Variants in EIF2B5 observed in about 807,000 individuals in gnomAD.
EIF2B5 encodes translation initiation factor eIF2B subunit epsilon.
Under a neutral mutation model 87.3 loss-of-function variants are expected in EIF2B5, and 38 were observed. The ratio of observed to expected loss-of-function variants is 0.44; its 90% confidence interval spans 0.34 to 0.57. EIF2B5 has a LOEUF of 0.57. Among genes scored for constraint, EIF2B5 ranks in the 20% least tolerant of loss-of-function variants. The pLI is 0.02. For synonymous variants in EIF2B5, 313 were observed against 339.6 expected, an observed-to-expected ratio of 0.92 and a Z score of 0.86; for missense variants, 784 against 909.5, an observed-to-expected ratio of 0.86 and a Z score of 1.78.
rs1255461265 is a variant in EIF2B5 at position 184,144,229 on chromosome 3, A to G, written c.1995+5A>G. 6 of 1,613,954 alleles carry G rather than the reference A, an allele frequency of 3.7e-6. No homozygotes were observed. Among genetic ancestry groups the G allele is most frequent in the Non-Finnish European group, 5.1e-6 (6 of 1,180,038 alleles). ...CTTGGTATTTCCATGGCCAAGGTGA[A>G]TATGACCTCAAGCCCCATTCTTCTG... On this transcript the variant is annotated splice_donor_5th_base_variant and intron_variant, in intron 14 of 15. Transcript: ENST00000648915.
At position 184,143,039 on chromosome 3, in the gene EIF2B5, G is replaced by T; in HGVS notation, c.1655-13G>T. 1.2e-6 allele frequency: 2 copies of T among 1,612,056 alleles called. No homozygotes were observed. Among genetic ancestry groups the T allele is most frequent in the Non-Finnish European group, 8.5e-7 (1 of 1,179,006 alleles). On this transcript the variant is annotated splice_polypyrimidine_tract_variant and intron_variant, in intron 11 of 15. Transcript: ENST00000648915. ...GATGTTGGCCCATGAACTTATCCTT[G>T]CTTTGATTTCAGTGTTCCAGAATGA...
At position 184,142,156 on chromosome 3, in the gene EIF2B5, C is replaced by T; in HGVS notation, c.1303-81C>T. 1 of 1,613,938 alleles carries T rather than the reference C, an allele frequency of 6.2e-7. No individual in the cohort carries two copies. Among genetic ancestry groups the T allele is most frequent in the Non-Finnish European group, 8.5e-7 (1 of 1,179,936 alleles). On this transcript the variant is annotated intron_variant, in intron 8 of 15. Coordinates refer to ENST00000648915, the MANE Select transcript of EIF2B5 (RefSeq NM_003907.3). The surrounding 1 kb of genome is among the most constrained non-coding windows in gnomAD (Gnocchi z 5.0). The stretch of plus-strand genomic sequence containing the variant: ...AAGGGGCATTATTTCCACCCATAAT[C>T]CTGTCTAAAAAAGTTGCTCTCATTA...
chr3:184,144,627 C>G lies in EIF2B5; in HGVS notation c.2026C>G (p.Leu676Val). 1.2e-6 allele frequency: 2 copies of G among 1,614,154 alleles called. No individual in the cohort carries two copies. The highest frequency in any genetic ancestry group is 1.7e-6 in the Non-Finnish European group (2 of 1,180,034). ...GATGGCTTTCTACCAGCTGGAGATC[C>G]TGGCTGAGGAAACAATTCTGAGCTG... Reference protein sequence around the residue: ...VLMAFYQLEILAEETILSWFS... With the variant: ...VLMAFYQLEIVAEETILSWFS... The change falls in exon 15 of 16, where the codon CTG (leucine) becomes GTG (valine). Residue 676 changes from leucine (L) to valine (V), a missense_variant. Leu to Val is a conservative substitution (Grantham distance 32). Coordinates refer to ENST00000648915, the MANE Select transcript of EIF2B5 (RefSeq NM_003907.3).
intron 2 of EIF2B5, 76 bp from the exon 3 acceptor site, chr3:184,137,544 G>T: frequency 1.4e-6 from 2 of 1,475,696 alleles, no homozygotes; most frequent in South Asian, 2.3e-5. Flanking sequence ...AGTGCTGAAA[G>T]GGGGTGAAAA....
chr3:184,137,361 A>G, intron 2 of EIF2B5: 1 of 543,134 alleles, frequency 1.8e-6, no homozygotes, highest in Non-Finnish European at 3.3e-6. Context: ...TTTGAGTTCA[A>G]ATTGATGTTT....
chr3:184,140,292 T>A, intron 6 of EIF2B5, 126 bp from the exon 7 acceptor site: 2 of 1,396,090 alleles, frequency 1.4e-6, no homozygotes, highest in Non-Finnish European at 2.0e-6. Flanking sequence ...GGAGGAACAG[T>A]ACACAAAGAA....
At chr3:184,141,636 G>A (rs1191398815) in intron 7 of EIF2B5, among the ~76,000 whole-genome samples, 1 of 152,136 alleles carries the variant, frequency 6.6e-6, no homozygotes. Context: ...CTGCTTGTAG[G>A]CGTGGATATG....
At chr3:184,140,021 C>CA (rs112477801) in intron 5 of EIF2B5, 59 bp from the exon 6 acceptor site, 96,302 of 1,178,222 alleles carry the variant, frequency 0.082, 101 homozygotes, top group African/African-American at 0.1. Flanking sequence ...AGACTTGTCT[C>CA]AAAAAAAAAA....
chr3:184,140,625 G>A lies in EIF2B5; in HGVS notation c.1051G>A (p.Gly351Ser), dbSNP rs1284189706. 2 of 1,614,006 alleles carry A rather than the reference G, an allele frequency of 1.2e-6. No individual in the cohort carries two copies. The highest frequency in any genetic ancestry group is 2.7e-5 in the African/African-American group (2 of 74,900). The stretch of plus-strand genomic sequence containing the variant: ...CTACCGAGGGCCTGAGGTCAGCCTG[G>A]GCCATGGCAGCATCCTAGAGGAAAA... ...NIYRGPEVSL[G>S]HGSILEENVL... Residue 351 changes from glycine to serine, a missense_variant, in exon 7 of 16, where the codon GGC becomes AGC. This residue lies in a region of EIF2B5 where 660 missense variants were observed against 789.5 expected (regional missense o/e 0.84). Coordinates refer to ENST00000648915, the MANE Select transcript of EIF2B5 (RefSeq NM_003907.3).
intron 4 of EIF2B5, 39 bp from the exon 5 acceptor site, chr3:184,138,127 G>A (rs747787829): frequency 6.2e-7 from 1 of 1,614,090 alleles, no homozygotes; most frequent in Non-Finnish European, 8.5e-7. Context: ...GGCTTCAGTG[G>A]GAGAAACAAA....
At position 184,140,581 on chromosome 3, in the gene EIF2B5, C is replaced by T. The variant is rs1713586763; in HGVS notation, c.1007C>T (p.Thr336Ile). Residue 336 changes from threonine (T) to isoleucine (I), a missense_variant, in exon 7 of 16, where the codon ACT becomes ATT. Coordinates refer to ENST00000648915, the MANE Select transcript of EIF2B5 (RefSeq NM_003907.3). ...NFTDSTTQSCTHSRHNIYRGP... is the reference protein window; with the variant it reads ...NFTDSTTQSCIHSRHNIYRGP... ...ACTGACAGCACCACCCAGAGCTGCA[C>T]TCATTCCCGGCACAACATCTACCGA... is the stretch of plus-strand genomic sequence containing the variant. 1.2e-6 allele frequency: 2 copies of T among 1,614,118 alleles called. No homozygotes were observed. Among genetic ancestry groups the T allele is most frequent in the Non-Finnish European group, 1.7e-6 (2 of 1,180,052 alleles).
rs140982896 is a variant in EIF2B5 at position 184,137,670 on chromosome 3, C to T, written c.371C>T (p.Thr124Ile). 6 of 1,614,210 alleles carry T rather than the reference C, an allele frequency of 3.7e-6. No homozygotes were observed. The highest frequency in any genetic ancestry group is 5.1e-6 in the Non-Finnish European group (6 of 1,180,046). Residue 124 changes from threonine to isoleucine, a missense_variant, in exon 3 of 16, where the codon ACA becomes ATA. Physicochemically the swap from Thr to Ile is moderately conservative, Grantham distance 89 (BLOSUM62 -1). This residue lies in a region of EIF2B5 where 660 missense variants were observed against 789.5 expected (regional missense o/e 0.84). Transcript: ENST00000648915. Reference protein sequence around the residue: ...PTSLNVVRIITSELYRSLGDV... With the variant: ...PTSLNVVRIIISELYRSLGDV... ...TCTCTCAATGTGGTTCGAATAATTA[C>T]ATCAGAGCTCTATCGATCACTGGGA...
At chr3:184,135,789 C>T in intron 1 of EIF2B5, 1 of 659,212 alleles carries the variant, frequency 1.5e-6, no homozygotes, top group East Asian at 2.7e-5. Flanking sequence ...ATGCTGTCCA[C>T]CTCGGGTTTG....
chr3:184,135,854 G>A (rs145873114), intron 1 of EIF2B5: 21 of 551,794 alleles, frequency 3.8e-5, no homozygotes, highest in African/African-American at 2.6e-4. Flanking sequence ...GCCTTCACGC[G>A]GGGATTCAGT....
chr3:184,144,457 G>A, intron 14 of EIF2B5, 140 bp from the exon 15 acceptor site: 1 of 1,041,358 alleles, frequency 9.6e-7, no homozygotes, highest in Non-Finnish European at 1.5e-6. Context: ...AGTTAGACCT[G>A]CCCCAGGAGC....
At position 184,137,813 on chromosome 3, in the gene EIF2B5, T is replaced by A. The variant is rs1713431416; in HGVS notation, c.506+8T>A. 9 of 1,614,146 alleles carry A rather than the reference T, an allele frequency of 5.6e-6. No homozygotes were observed. The highest frequency in any genetic ancestry group is 7.6e-6 in the Non-Finnish European group (9 of 1,180,038). ...AGCCCTTGAGGAACACAGGTCAGGA[T>A]GGGAAAATGACAGGAACAAGGGTTA... is the stretch of plus-strand genomic sequence containing the variant. On this transcript the variant is annotated splice_region_variant and intron_variant, in intron 3 of 15. Coordinates refer to ENST00000648915, the MANE Select transcript of EIF2B5 (RefSeq NM_003907.3).
intron 5 of EIF2B5, among the ~76,000 whole-genome samples, chr3:184,139,404 C>T (rs1282206262): frequency 6.6e-6 from 1 of 151,170 alleles, no homozygotes; most frequent in Non-Finnish European, 1.5e-5. Context: ...CCTCAGCCTC[C>T]CAAATAGCTG....
Position 184,140,622 on chromosome 3 carries a change from C to T in EIF2B5, c.1048C>T (p.Leu350=), listed in dbSNP as rs369558619. 5.6e-5 allele frequency: 91 copies of T among 1,614,090 alleles called. No homozygotes were observed. The highest frequency in any genetic ancestry group is 1.6e-4 in the Middle Eastern group (1 of 6,084). Residue 350 remains leucine, a synonymous_variant, in exon 7 of 16, where the codon CTG becomes TTG. Coordinates refer to ENST00000648915, the MANE Select transcript of EIF2B5 (RefSeq NM_003907.3). Reference sequence around the variant, plus strand: ...CATCTACCGAGGGCCTGAGGTCAGCCTGGGCCATGGCAGCATCCTAGAGGA... The same window carrying T: ...CATCTACCGAGGGCCTGAGGTCAGCTTGGGCCATGGCAGCATCCTAGAGGA... ...HNIYRGPEVS[L]GHGSILEENV...
intron 5 of EIF2B5, chr3:184,138,851 G>T: frequency 3.6e-6 from 1 of 277,846 alleles, no homozygotes; most frequent in Non-Finnish European, 7.2e-6. Flanking sequence ...TTGTAGAGAC[G>T]GGGTTTTGCC....
Sources: allele counts gnomAD v4.1 joint callset (sites outside exome capture counted in the v4.1 genomes callset), GRCh38; gene constraint gnomAD v4.1.1; regional missense constraint gnomAD v4.1.1; non-coding constraint Gnocchi (gnomAD v3.1); transcripts MANE v1.5; gene names NCBI Gene and HGNC (gene_info 2026-07-23, HGNC 2026-07-21).